Variants in RASA3 observed in about 807,000 individuals in gnomAD.
RASA3 encodes ras GTPase-activating protein 3.
In RASA3, 73 loss-of-function variants were observed where a neutral mutation model predicts 110.0. The ratio of observed to expected loss-of-function variants is 0.66; its 90% CI spans 0.55 to 0.81. The LOEUF is 0.81. Among genes scored for constraint, RASA3 ranks in the 30% least tolerant of loss-of-function variants. The pLI is 0.00. For synonymous variants in RASA3, 500 were observed against 451.4 expected (o/e 1.11, Z -1.37); for missense variants, 976 against 1,113.2 (o/e 0.88, Z 1.75).
At chr13:114,090,692 G>A (rs762267887) in intron 1 of RASA3, among the ~76,000 whole-genome samples, 4 of 152,196 alleles carry the variant, frequency 2.6e-5, no homozygotes, top group Admixed American at 6.5e-5. Context: ...CATGCCTGAC[G>A]GGCACGGGCG....
chr13:114,120,604 GC>G (rs1267216946), intron 1 of RASA3, among the ~76,000 whole-genome samples: 1 of 148,124 alleles, frequency 6.8e-6, no homozygotes, highest in East Asian at 2.0e-4. Context: ...GTCGGTCAGG[GC>G]CCCTCCCTCT....
At chr13:114,004,719 G>A (rs1039928371) in intron 18 of RASA3, among the ~76,000 whole-genome samples, 10 of 152,094 alleles carry the variant, frequency 6.6e-5, no homozygotes, top group African/African-American at 1.9e-4. Flanking sequence ...GGAAACCCAC[G>A]GAGATTTCTC....
intron 1 of RASA3, among the ~76,000 whole-genome samples, chr13:114,080,695 C>T (rs2079771155): frequency 1.3e-5 from 2 of 152,198 alleles, no homozygotes; most frequent in African/African-American, 4.8e-5. Context: ...CCAGGGGCCA[C>T]TGAAACAGGG....
In RASA3 at chr13:114,073,844, A is replaced by T. The variant is rs186368945; in HGVS notation, c.56-7T>A. 58 of 1,604,774 alleles carry T rather than the reference A, an allele frequency of 3.6e-5. No homozygotes were observed. Among genetic ancestry groups the T allele is most frequent in the Non-Finnish European group, 4.9e-5 (57 of 1,171,548 alleles). ...GGAAGGTTTTTGGCTTCACCTAAAAAGTAAAAGCGACATACATCATCAGCA... is the reference window on the plus strand; with the variant it reads ...GGAAGGTTTTTGGCTTCACCTAAAATGTAAAAGCGACATACATCATCAGCA... On this transcript the variant is annotated splice_region_variant and splice_polypyrimidine_tract_variant and intron_variant, in intron 1 of 23. Coordinates refer to ENST00000334062, the MANE Select transcript of RASA3 (RefSeq NM_007368.4).
At chr13:114,019,945 C>CAG (rs35128298) in intron 9 of RASA3, among the ~76,000 whole-genome samples, 1 of 52,540 alleles carries the variant, frequency 1.9e-5, no homozygotes, top group Non-Finnish European at 3.3e-5. Flanking sequence ...GAGGCATTAG[C>CAG]CCCCGCCAGG....
chr13:114,064,310 C>T (rs897005490), intron 2 of RASA3, among the ~76,000 whole-genome samples: 1 of 152,186 alleles, frequency 6.6e-6, no homozygotes, highest in Non-Finnish European at 1.5e-5. Flanking sequence ...CCAGAACCCA[C>T]GGTGAGCACC....
intron 2 of RASA3, among the ~76,000 whole-genome samples, chr13:114,072,423 T>A (rs925117271): frequency 6.6e-6 from 1 of 152,158 alleles, no homozygotes; most frequent in African/African-American, 2.4e-5. Flanking sequence ...CTTCCTCAAA[T>A]CATATCAATA....
intron 18 of RASA3, among the ~76,000 whole-genome samples, chr13:114,004,237 A>AAGCTGCTGTG (rs58182138): frequency 0.23 from 35,182 of 151,926 alleles, 4,934 homozygotes; most frequent in East Asian, 0.33. Flanking sequence ...ATTAAACTAA[A>AAGCTGCTGTG]CAGCTTCTGC....
rs760199246 is a variant in RASA3 at position 114,013,187 on chromosome 13, G to A, written c.1467C>T (p.Pro489=). Residue 489 remains proline (P), a synonymous_variant, in exon 15 of 24, where the codon CCC becomes CCT. Transcript: ENST00000334062. ...GGAAGAGGTTGGGGGAGAGAATGGCGGGCGCAAAGAACCTCAGGAAGATGA... is the reference window on the plus strand; with the variant it reads ...GGAAGAGGTTGGGGGAGAGAATGGCAGGCGCAAAGAACCTCAGGAAGATGA... ...SSFIFLRFFA[P]AILSPNLFQL... is the part of the protein sequence containing the mutation. The A allele has an allele frequency of 2.5e-5, 41 of 1,613,328 alleles. No individual in the cohort carries two copies. Among genetic ancestry groups the A allele is most frequent in the South Asian group, 3.3e-5 (3 of 91,010 alleles).
chr13:114,063,390 G>A (rs1000097152), intron 2 of RASA3, among the ~76,000 whole-genome samples: 3 of 146,582 alleles, frequency 2.0e-5, no homozygotes, highest in East Asian at 1.9e-4. Context: ...ACAAATATAA[G>A]TATATTCATA....
chr13:114,018,028 G>A (rs9525319), intron 11 of RASA3, 76 bp downstream of exon 11: 244,880 of 1,408,916 alleles, frequency 0.17, 23,481 homozygotes, highest in Middle Eastern at 0.21. Flanking sequence ...CCCAGGACAC[G>A]TGGTTCTCGG....
chr13:114,078,265 C>G (rs2079725873), intron 1 of RASA3, among the ~76,000 whole-genome samples: 1 of 152,250 alleles, frequency 6.6e-6, no homozygotes, highest in Non-Finnish European at 1.5e-5. Context: ...CCAAACAGTT[C>G]ATTCAGTTAC....
At chr13:114,105,373 T>C (rs564869720) in intron 1 of RASA3, among the ~76,000 whole-genome samples, 1 of 152,212 alleles carries the variant, frequency 6.6e-6, no homozygotes, top group South Asian at 2.1e-4. Flanking sequence ...ACAGCAGCAG[T>C]GGAGCTCTCC....
At chr13:114,061,651 T>C (rs1594405961) in intron 2 of RASA3, among the ~76,000 whole-genome samples, 1 of 139,818 alleles carries the variant, frequency 7.2e-6, no homozygotes, top group Non-Finnish European at 1.5e-5. Flanking sequence ...CACTCCAGCC[T>C]GGGCGACAAA....
At chr13:114,017,819 C>G (rs918943156) in intron 11 of RASA3, among the ~76,000 whole-genome samples, 2 of 152,160 alleles carry the variant, frequency 1.3e-5, no homozygotes, top group African/African-American at 4.8e-5. Flanking sequence ...TTGTGGGCTC[C>G]CAAAGTGCCC....
At chr13:114,126,257 C>T (rs1181913327) in intron 1 of RASA3, among the ~76,000 whole-genome samples, 2 of 152,240 alleles carry the variant, frequency 1.3e-5, no homozygotes, top group Admixed American at 6.5e-5. Context: ...GGCATGACAC[C>T]ACATCCCCAC....
Position 114,096,061 on chromosome 13 carries a change from G to T in RASA3, c.56-22224C>A, listed in dbSNP as rs7995984. Among the ~76,000 whole-genome samples the T allele has an allele frequency of 6.6e-6, 1 of 152,056 alleles. No homozygotes were observed. The highest frequency in any genetic ancestry group is 2.4e-5 in the African/African-American group (1 of 41,476). On this transcript the variant is annotated intron_variant, in intron 1 of 23. Transcript: ENST00000334062. This position sits in a 1 kb window ranked among gnomAD's most constrained non-coding sequence, Gnocchi z 5.1. Reference sequence around the variant, plus strand: ...GAAGATGCCACCCTGGGTGGCACTGGTGTGCCGGGAGGGGGTGCTCTCCAG... The same window carrying T: ...GAAGATGCCACCCTGGGTGGCACTGTTGTGCCGGGAGGGGGTGCTCTCCAG...
chr13:114,032,387 G>A (rs531729075), intron 4 of RASA3, among the ~76,000 whole-genome samples: 4 of 152,244 alleles, frequency 2.6e-5, no homozygotes, highest in East Asian at 3.9e-4. Flanking sequence ...TGGGCCACAC[G>A]TCGTGATGTC....
intron 16 of RASA3, among the ~76,000 whole-genome samples, chr13:114,009,841 C>T (rs1205528553): frequency 6.6e-6 from 1 of 152,234 alleles, no homozygotes; most frequent in Non-Finnish European, 1.5e-5. Context: ...GCCCCCACGC[C>T]CATCTCTCGC....
Sources: allele counts gnomAD v4.1 joint callset (sites outside exome capture counted in the v4.1 genomes callset), GRCh38; gene constraint gnomAD v4.1.1; non-coding constraint Gnocchi (gnomAD v3.1); transcripts MANE v1.5; gene names NCBI Gene and HGNC (gene_info 2026-07-23, HGNC 2026-07-21).